Variants in SPATS2L observed in about 807,000 individuals in gnomAD.
SPATS2L encodes the protein spermatogenesis associated serine rich 2 like, also known as SPATS2-like protein.
In SPATS2L, 30 loss-of-function variants were observed where a neutral mutation model predicts 59.6. The ratio of observed to expected loss-of-function variants is 0.50; its 90% CI spans 0.38 to 0.68. The LOEUF (loss-of-function observed/expected upper bound fraction) is 0.68. Among genes scored for constraint, SPATS2L ranks in the 30% least tolerant of loss-of-function variants. The probability of loss-of-function intolerance (pLI) is 0.00; values close to 1 mark genes in which losing one functional copy is unlikely to be tolerated. For missense variants in SPATS2L, 615 were observed against 700.0 expected (o/e 0.88, Z 1.37); for synonymous variants, 252 against 263.5 (o/e 0.96, Z 0.42).
rs755210291 is a variant in SPATS2L, at chr2:200,439,227, C to A, written c.551C>A (p.Pro184His). The A allele has an allele frequency of 3.7e-6, 6 of 1,613,522 alleles. No homozygotes were observed. Among genetic ancestry groups the A allele is most frequent in the Non-Finnish European group, 5.1e-6 (6 of 1,179,666 alleles). The change falls in exon 7 of 13, where the codon CCT becomes CAT. Residue 184 changes from proline to histidine, a missense_variant. This residue lies in a region of SPATS2L where 227 missense variants were observed against 257.4 expected (regional missense o/e 0.88). Transcript: ENST00000409140. Reference protein sequence around the residue: ...SDGLQWSAEQPCNPSKPKAKT... With the variant: ...SDGLQWSAEQHCNPSKPKAKT... ...GGCCTACAGTGGTCAGCTGAGCAGC[C>A]TTGTAACCCAAGCAAGCCTAAGGCA...
Position 200,467,346 on chromosome 2 carries a change from C to CT in SPATS2L, c.906dup (p.Ala303CysfsTer17). The CT allele has an allele frequency of 6.2e-7, 1 of 1,614,056 alleles. No individual in the cohort carries two copies. The highest frequency in any genetic ancestry group is 8.5e-7 in the Non-Finnish European group (1 of 1,179,888). On this transcript the variant is annotated frameshift_variant, in exon 10 of 13. Coordinates refer to ENST00000409140, the MANE Select transcript of SPATS2L (RefSeq NM_001100423.2). LOFTEE classifies it high-confidence loss of function. ...AGAAGAACTAAAGAGACTCACTGACCTTGCCAGTCAGATGGCAGAGATGCA... is the reference window on the plus strand; with the variant it reads ...AGAAGAACTAAAGAGACTCACTGACCTTTGCCAGTCAGATGGCAGAGATGCA...
chr2:200,458,823 A>G (rs6742588), intron 8 of SPATS2L, among the ~76,000 whole-genome samples: 135,235 of 152,122 alleles, frequency 0.89, 61,037 homozygotes, highest in Non-Finnish European at 0.96. Context: ...TGTTTTATAG[A>G]TGCTATAGTA....
intron 6 of SPATS2L, among the ~76,000 whole-genome samples, chr2:200,438,081 C>T (rs766666455): frequency 6.6e-6 from 1 of 152,052 alleles, no homozygotes; most frequent in Admixed American, 6.6e-5. Context: ...AAATATAAAA[C>T]CGTGGTACCA....
At chr2:200,343,494 T>C (rs2080402577) in intron 2 of SPATS2L, among the ~76,000 whole-genome samples, 1 of 152,212 alleles carries the variant, frequency 6.6e-6, no homozygotes, top group African/African-American at 2.4e-5. Context: ...GTAACTCAAG[T>C]AAATTGAAGT....
upstream of SPATS2L, chr2:200,306,292 G>T (rs1317703918): frequency 1.5e-5 from 15 of 1,002,170 alleles, no homozygotes; most frequent in Non-Finnish European, 1.8e-5. Context: ...CATTTTCTCG[G>T]GTAGGAGAAG....
At position 200,341,093 on chromosome 2, in the gene SPATS2L, T is replaced by A. The variant is rs2080310133; in HGVS notation, c.-23+11613T>A. ...ACGTATGTGTCACTGGCAGACCGAC[T>A]TCTTAATTCTAAAACTGCTTTAATG... On this transcript the variant is annotated intron_variant, in intron 2 of 12. Transcript: ENST00000409140. 2.0e-5 allele frequency among the ~76,000 whole-genome samples: 3 copies of A among 152,224 alleles called. No individual in the cohort carries two copies. In the South Asian group the frequency reaches 6.2e-4, roughly 31 times the overall value.
At chr2:200,326,031 T>A (rs907687725) in intron 1 of SPATS2L, among the ~76,000 whole-genome samples, 12 of 152,230 alleles carry the variant, frequency 7.9e-5, no homozygotes, top group African/African-American at 2.9e-4. Context: ...ATTTTCCAGA[T>A]AAACATGAGA....
intron 6 of SPATS2L, among the ~76,000 whole-genome samples, chr2:200,423,819 G>C (rs561184054): frequency 2.0e-5 from 3 of 152,172 alleles, no homozygotes; most frequent in Non-Finnish European, 4.4e-5. Flanking sequence ...TGTGGGATGC[G>C]TGTTTTATCT....
At chr2:200,379,463 T>C (rs2081723076) in intron 2 of SPATS2L, among the ~76,000 whole-genome samples, 1 of 152,194 alleles carries the variant, frequency 6.6e-6, no homozygotes, top group Admixed American at 6.5e-5. Flanking sequence ...TGGTGCATTG[T>C]CGGTGTTTAA....
At chr2:200,350,963 A>G (rs182779085) in intron 2 of SPATS2L, among the ~76,000 whole-genome samples, 125 of 152,222 alleles carry the variant, frequency 8.2e-4, no homozygotes, top group African/African-American at 2.9e-3. Flanking sequence ...AGAATGGGTG[A>G]AGCAAGTGAG....
At chr2:200,372,235 C>G in intron 2 of SPATS2L, 1 of 972,224 alleles carries the variant, frequency 1.0e-6, no homozygotes, top group Non-Finnish European at 1.2e-6. Flanking sequence ...GGCAGAGGTC[C>G]CCCATCTTCC....
chr2:200,425,128 GCC>G (rs781059586), intron 6 of SPATS2L, among the ~76,000 whole-genome samples: 12,423 of 34,660 alleles, frequency 0.36, 1,558 homozygotes, highest in East Asian at 0.52. Flanking sequence ...AGTTCCCCCC[GCC>G]CCCCCCCCCC....
At chr2:200,375,363 A>G (rs994280) in intron 2 of SPATS2L, among the ~76,000 whole-genome samples, 41,132 of 152,100 alleles carry the variant, frequency 0.27, 6,448 homozygotes, top group South Asian at 0.44. Flanking sequence ...CTAGAGAGCT[A>G]TAGTCTAGTG....
chr2:200,464,162 A>G (rs1004386083), intron 9 of SPATS2L, among the ~76,000 whole-genome samples: 9 of 152,360 alleles, frequency 5.9e-5, no homozygotes, highest in African/African-American at 2.2e-4. Flanking sequence ...AAATTACAGG[A>G]TCAGTGAAGC....
chr2:200,388,936 T>C (rs1388843105), intron 2 of SPATS2L, among the ~76,000 whole-genome samples: 5 of 152,198 alleles, frequency 3.3e-5, no homozygotes, highest in Non-Finnish European at 7.3e-5. Context: ...ACCACCTTTC[T>C]TTTACATAAT....
At chr2:200,426,359 G>A (rs2106037291) in intron 6 of SPATS2L, among the ~76,000 whole-genome samples, 1 of 152,006 alleles carries the variant, frequency 6.6e-6, no homozygotes, top group African/African-American at 2.4e-5. Flanking sequence ...ACTATTTTTT[G>A]TTATTAAAGA....
At chr2:200,390,910 C>T (rs2082152976) in intron 3 of SPATS2L, 2 of 151,490 alleles carry the variant, frequency 1.3e-5, no homozygotes, top group African/African-American at 4.9e-5. Context: ...ACCTGTAATC[C>T]CAGCACTTTA....
At chr2:200,343,079 C>T (rs985701534) in intron 2 of SPATS2L, among the ~76,000 whole-genome samples, 1 of 152,202 alleles carries the variant, frequency 6.6e-6, no homozygotes, top group Non-Finnish European at 1.5e-5. Context: ...ATTAAAATTT[C>T]AGACTACAAA....
At chr2:200,347,612 A>G (rs1019886915) in intron 2 of SPATS2L, among the ~76,000 whole-genome samples, 2 of 152,230 alleles carry the variant, frequency 1.3e-5, no homozygotes, top group Non-Finnish European at 1.5e-5. Flanking sequence ...CATCCTGGTC[A>G]TATAACAACC....
Sources: gnomAD v4.1 joint callset for allele counts (sites outside exome capture counted in the v4.1 genomes callset) on GRCh38, gnomAD v4.1.1 for gene constraint, gnomAD v4.1.1 regional missense constraint, MANE v1.5 for transcripts, NCBI Gene and HGNC (gene_info 2026-07-23, HGNC 2026-07-21) for gene names.